Variants in DCHS1 observed in about 807,000 individuals in gnomAD.
The protein encoded by DCHS1 is dachsous cadherin-related 1.
DCHS1 carries 78 observed loss-of-function variants against 213.9 expected under a neutral mutation model. The ratio of observed to expected loss-of-function variants is 0.36; its 90% confidence interval spans 0.30 to 0.44. DCHS1 has a LOEUF of 0.44. Ranked by LOEUF, DCHS1 falls within the 20% of genes least tolerant of loss-of-function variation. The probability of loss-of-function intolerance (pLI) is 1.00; values close to 1 mark genes in which losing one functional copy is unlikely to be tolerated. For synonymous variants in DCHS1, 1,828 were observed against 1,873.7 expected, an observed-to-expected ratio of 0.98 and a Z score of 0.63; for missense variants, 3,946 against 4,395.9, an observed-to-expected ratio of 0.90 and a Z score of 2.89.
rs768548375 is a variant in DCHS1, at chr11:6,626,117, C to G, written c.6577-43G>C. On this transcript the variant is annotated intron_variant, in intron 16 of 20. Coordinates refer to ENST00000299441, the MANE Select transcript of DCHS1 (RefSeq NM_003737.4). The surrounding 1 kb of genome is among the most constrained non-coding windows in gnomAD (Gnocchi z 5.2). ...CTGCTGGGACTGGTCTGGCCACAGA[C>G]AAGTCTGACTAGCCCTGCTCCCCCG... is the stretch of plus-strand genomic sequence containing the variant. 2 of 1,598,036 alleles carry G rather than the reference C, an allele frequency of 1.3e-6. No individual in the cohort carries two copies. Among genetic ancestry groups the G allele is most frequent in the Middle Eastern group, 1.7e-4 (1 of 6,048 alleles).
At chr11:6,655,065 T>TTGTCTC (rs1404052307) in intron 1 of DCHS1, among the ~76,000 whole-genome samples, 29 of 152,232 alleles carry the variant, frequency 1.9e-4, no homozygotes, top group Admixed American at 1.6e-3. Flanking sequence ...CTCAGTTTCT[T>TTGTCTC]TGTCTCTGTC....
At position 6,625,359 on chromosome 11, in the gene DCHS1, C is replaced by T. The variant is rs781670585; in HGVS notation, c.6985G>A (p.Gly2329Ser). 9 of 1,613,668 alleles carry T rather than the reference C, an allele frequency of 5.6e-6. No homozygotes were observed. The South Asian group carries it at 9.9e-5, about 18-fold the overall frequency. The change falls in exon 19 of 21, where the codon GGC (glycine) becomes AGC (serine). Residue 2329 changes from glycine (G) to serine (S), a missense_variant. Coordinates refer to ENST00000299441, the MANE Select transcript of DCHS1 (RefSeq NM_003737.4). The surrounding 1 kb of genome is among the most constrained non-coding windows in gnomAD (Gnocchi z 5.3). ...QDPFSVGRYG[G>S]RVSLTGPLDF... The stretch of plus-strand genomic sequence containing the variant: ...AGGGGCCCCGTGAGGGAGACACGGC[C>T]TCCATAGCGGCCAACACTGAAGGGA...
rs954639335 is a variant in DCHS1, at chr11:6,655,741, T to C, written c.-299A>G. 1.6e-3 allele frequency: 1,584 copies of C among 979,306 alleles called. 2 individuals are homozygous for C. The highest frequency in any genetic ancestry group is 3.1e-3 in the Middle Eastern group (6 of 1,908). The allele number at this position is 979,306 out of a possible 1,614,324, so 60.7% of individuals were successfully genotyped here. A position where few individuals can be genotyped will look rare whatever the true frequency, so the allele number is the denominator to read the frequency against. On this transcript the variant is annotated 5_prime_UTR_variant, in exon 1 of 21. Coordinates refer to ENST00000299441, the MANE Select transcript of DCHS1 (RefSeq NM_003737.4). ...CGGTCCGCGCGCCCTTGGCCGTCGA[T>C]CGGTCCGTCCGCTGACGCCCGGGCG...
In DCHS1 at chr11:6,626,657, T is replaced by C. The variant is rs1357273513; in HGVS notation, c.6259A>G (p.Ile2087Val). The part of the protein sequence containing the change: ...IRENAPPGTP[I>V]VSPRAVHAGG... ...GCATGGACGGCCCTGGGGGAGACAA[T>C]AGGAGTCCCTGCAGAAAGAACGGTA... The change falls in exon 15 of 21, where the codon ATT becomes GTT. Residue 2087 changes from isoleucine (I) to valine (V), a missense_variant. Ile to Val is a conservative substitution (Grantham distance 29, BLOSUM62 3). Transcript: ENST00000299441. The surrounding 1 kb of genome is among the most constrained non-coding windows in gnomAD (Gnocchi z 5.2). The C allele has an allele frequency of 2.5e-6, 4 of 1,613,762 alleles. No homozygotes were observed. The highest frequency in any genetic ancestry group is 1.3e-5 in the African/African-American group (1 of 75,008).
At chr11:6,643,825 A>G (rs1192158419) in intron 1 of DCHS1, among the ~76,000 whole-genome samples, 1 of 152,128 alleles carries the variant, frequency 6.6e-6, no homozygotes, top group Non-Finnish European at 1.5e-5. Context: ...CCCAGTCATC[A>G]CCTCAAACTG....
chr11:6,641,833 C>T lies in DCHS1; in HGVS notation c.-120-100G>A, dbSNP rs756982013. On this transcript the variant is annotated intron_variant, in intron 1 of 20. Transcript: ENST00000299441. This position sits in a 1 kb window ranked among gnomAD's most constrained non-coding sequence, Gnocchi z 7.1. ...TCAACATTCAGATATGCTCAGCCCC[C>T]AGCAGGCCCTTGTGCTGCCTCACAC... 38 of 1,080,746 alleles carry T rather than the reference C, an allele frequency of 3.5e-5. 1 individual carries two copies. The highest frequency in any genetic ancestry group is 3.8e-5 in the Non-Finnish European group (30 of 783,182). 66.9% of individuals were successfully genotyped at this position (1,080,746 alleles called of 1,614,324 possible).
chr11:6,624,420 T>C (rs1160876839), intron 20 of DCHS1, 30 bp from the exon 21 acceptor site: 10 of 1,518,714 alleles, frequency 6.6e-6, no homozygotes, highest in Non-Finnish European at 8.8e-6. Context: ...GAAAGAAATA[T>C]ATTCAGCAAA....
chr11:6,647,122 GGAA>G (rs1003123214), intron 1 of DCHS1, among the ~76,000 whole-genome samples: 2 of 152,200 alleles, frequency 1.3e-5, no homozygotes, highest in African/African-American at 4.8e-5. Flanking sequence ...TAGAAGTGGA[GGAA>G]GAAGAGGGTA....
chr11:6,631,250 A>T, intron 8 of DCHS1, 40 bp from the exon 9 acceptor site: 1 of 1,613,522 alleles, frequency 6.2e-7, no homozygotes, highest in Middle Eastern at 1.7e-4. Context: ...TGGGGCCCAG[A>T]GCTGGGCAGG....
Position 6,632,096 on chromosome 11 carries a change from C to A in DCHS1, c.3416G>T (p.Arg1139Leu). 6.5e-7 allele frequency: 1 copy of A among 1,550,098 alleles called. No individual in the cohort carries two copies. The highest frequency in any genetic ancestry group is 1.2e-5 in the South Asian group (1 of 81,158). ...CAGCTGTTGCAGGCTGTAGGTCAGA[C>A]GTCCATTGGGTCCTGAGTCTCGGTC... ...ATDRDSGPNGRLTYSLQQLSE... is the reference protein window; with the variant it reads ...ATDRDSGPNGLLTYSLQQLSE... The change falls in exon 6 of 21, where the codon CGT becomes CTT. Residue 1139 changes from arginine (R) to leucine (L), a missense_variant. Physicochemically the swap from Arg to Leu is moderately radical, Grantham distance 102 (BLOSUM62 -2). Around this residue, in one of 3 missense-constraint regions of DCHS1, gnomAD observed 3,384 missense variants for 3,780.1 expected, o/e 0.90. Transcript: ENST00000299441. This position sits in a 1 kb window ranked among gnomAD's most constrained non-coding sequence, Gnocchi z 5.9.
chr11:6,653,141 C>T (rs1856268416), intron 1 of DCHS1, among the ~76,000 whole-genome samples: 1 of 152,144 alleles, frequency 6.6e-6, no homozygotes, highest in African/African-American at 2.4e-5. Context: ...CCTCCATTTA[C>T]CTCTCCCACA....
At position 6,622,855 on chromosome 11, in the gene DCHS1, C is replaced by T. The variant is rs576933170; in HGVS notation, c.8821G>A (p.Val2941Met). The change falls in exon 21 of 21, where the codon GTG becomes ATG. Residue 2941 changes from valine to methionine, a missense_variant. Transcript: ENST00000299441. This position sits in a 1 kb window ranked among gnomAD's most constrained non-coding sequence, Gnocchi z 5.4. ...PDLNLLLVGA[V>M]AASLGVVVVL... ...ACCACAACTCCCAAGGAGGCTGCCA[C>T]GGCCCCTACTAATAGCAGGTTGAGG... is the stretch of plus-strand genomic sequence containing the variant. 1.6e-5 allele frequency: 26 copies of T among 1,595,978 alleles called. No individual in the cohort carries two copies. The highest frequency in any genetic ancestry group is 4.6e-5 in the East Asian group (2 of 43,828).
At position 6,631,383 on chromosome 11, in the gene DCHS1, T is replaced by C. The variant is rs1307828122; in HGVS notation, c.3700A>G (p.Thr1234Ala). ...IQVPDRVPPG[T>A]LVTTLQAKDP... is the part of the protein sequence containing the mutation. ...TTCGCCTGCAGAGTCGTCACCAGTG[T>C]TCCCGGAGGCACGCGGTCTGGTACC... Residue 1234 changes from threonine to alanine, a missense_variant, in exon 8 of 21, where the codon ACA becomes GCA. Physicochemically the swap from Thr to Ala is moderately conservative, Grantham distance 58 (BLOSUM62 0). Coordinates refer to ENST00000299441, the MANE Select transcript of DCHS1 (RefSeq NM_003737.4). The C allele has an allele frequency of 1.2e-6, 2 of 1,613,982 alleles. No individual in the cohort carries two copies. The highest frequency in any genetic ancestry group is 1.1e-5 in the South Asian group (1 of 91,086).
At position 6,626,896 on chromosome 11, in the gene DCHS1, C is replaced by T. The variant is rs1390362444; in HGVS notation, c.6143G>A (p.Arg2048His). 40 of 1,613,376 alleles carry T rather than the reference C, an allele frequency of 2.5e-5. No individual in the cohort carries two copies. Among genetic ancestry groups the T allele is most frequent in the South Asian group, 5.5e-5 (5 of 91,076 alleles). Residue 2048 changes from arginine (R) to histidine (H), a missense_variant, in exon 14 of 21, where the codon CGC becomes CAC. Physicochemically the swap from Arg to His is conservative, Grantham distance 29. This residue lies in a region of DCHS1 where 3,384 missense variants were observed against 3,780.1 expected (regional missense o/e 0.90). Coordinates refer to ENST00000299441, the MANE Select transcript of DCHS1 (RefSeq NM_003737.4). The surrounding 1 kb of genome is among the most constrained non-coding windows in gnomAD (Gnocchi z 5.2). ...AACAATGATCACACCAGTGGCAGAG[C>T]GAGCTGGACGGCCAAGATCAGTGGC... ...IVATDLGRPARSATGVIIVGL... is the reference protein window; with the variant it reads ...IVATDLGRPAHSATGVIIVGL...
chr11:6,623,396 C>T lies in DCHS1; in HGVS notation c.8280G>A (p.Leu2760=). 6 of 1,596,806 alleles carry T rather than the reference C, an allele frequency of 3.8e-6. No homozygotes were observed. The highest frequency in any genetic ancestry group is 5.1e-6 in the Non-Finnish European group (6 of 1,171,724). Residue 2760 remains leucine, a synonymous_variant, in exon 21 of 21, where the codon CTG becomes CTA. Transcript: ENST00000299441. ...CACGCAACTCCCCTGTTGAGCTGTTCAGTGCAAATGCCTCACGGCCCTCAG... is the reference window on the plus strand; with the variant it reads ...CACGCAACTCCCCTGTTGAGCTGTTTAGTGCAAATGCCTCACGGCCCTCAG... ...PGPEGREAFA[L]NSSTGELRAR...
In DCHS1 at chr11:6,633,870, C is replaced by G; in HGVS notation, c.2137G>C (p.Asp713His). Residue 713 changes from aspartate (D) to histidine (H), a missense_variant, in exon 4 of 21, where the codon GAC (aspartate) becomes CAC (histidine). Asp to His is a moderately conservative substitution (Grantham distance 81). Transcript: ENST00000299441. ...AVLRLRAHDPDQGSHGRLSYH... is the reference protein window; with the variant it reads ...AVLRLRAHDPHQGSHGRLSYH... ...GAGAGTCGCCCATGGGATCCCTGGT[C>G]AGGGTCATGGGCACGCAACCTCAGC... is the stretch of plus-strand genomic sequence containing the variant. The G allele has an allele frequency of 6.2e-7, 1 of 1,613,972 alleles. No individual in the cohort carries two copies. Among genetic ancestry groups the G allele is most frequent in the African/African-American group, 1.3e-5 (1 of 75,050 alleles).
At chr11:6,635,133 T>G (rs2134636490) in intron 2 of DCHS1, 1 of 152,324 alleles carries the variant, frequency 6.6e-6, no homozygotes, top group Middle Eastern at 3.4e-3. Flanking sequence ...TGAGACTGAT[T>G]TATAGGTTTG....
chr11:6,645,166 T>C (rs1054194903), intron 1 of DCHS1, among the ~76,000 whole-genome samples: 4 of 152,242 alleles, frequency 2.6e-5, no homozygotes, highest in African/African-American at 9.6e-5. Flanking sequence ...CACCATCCCC[T>C]GATAGGCCCC....
chr11:6,645,000 T>C (rs1856135525), intron 1 of DCHS1, among the ~76,000 whole-genome samples: 1 of 152,266 alleles, frequency 6.6e-6, no homozygotes, highest in Non-Finnish European at 1.5e-5. Context: ...CTTTGGAGCT[T>C]GGACTGGGTT....
Sources: allele counts gnomAD v4.1 joint callset (sites outside exome capture counted in the v4.1 genomes callset), GRCh38; gene constraint gnomAD v4.1.1; regional missense constraint gnomAD v4.1.1; non-coding constraint Gnocchi (gnomAD v3.1); transcripts MANE v1.5; gene names NCBI Gene and HGNC (gene_info 2026-07-23, HGNC 2026-07-21).